The following PKD1L1 variants were observed in gnomAD, a reference collection of about 807,000 sequenced individuals.
The protein encoded by PKD1L1 is polycystin-1-like protein 1.
A neutral mutation model predicts 323.4 loss-of-function variants in PKD1L1; 236 were observed. The ratio of observed to expected loss-of-function variants is 0.73; its 90% CI spans 0.66 to 0.81. The LOEUF is 0.81. PKD1L1 is among the 40% of genes least tolerant of loss of function. The pLI, the probability that PKD1L1 is intolerant of heterozygous loss-of-function variation, is 0.00. For synonymous variants in PKD1L1, 1,344 were observed against 1,335.0 expected (o/e 1.01, Z -0.15); for missense variants, 3,320 against 3,508.0 (o/e 0.95, Z 1.35).
intron 32 of PKD1L1, among the ~76,000 whole-genome samples, chr7:47,845,320 T>C (rs1269961385): frequency 6.6e-6 from 1 of 152,222 alleles, no homozygotes; most frequent in Non-Finnish European, 1.5e-5. Context: ...GAGGCTGTCC[T>C]GAGATGCAAG....
At chr7:47,939,864 C>A (rs979425218) in intron 3 of PKD1L1, among the ~76,000 whole-genome samples, 3 of 151,278 alleles carry the variant, frequency 2.0e-5, no homozygotes, top group African/African-American at 7.3e-5. Flanking sequence ...GGGCTACCCT[C>A]CTACTTCCCA....
At chr7:47,812,930 C>T (rs1460715755) in intron 49 of PKD1L1, among the ~76,000 whole-genome samples, 191 bp downstream of exon 49, 1 of 152,258 alleles carries the variant, frequency 6.6e-6, no homozygotes, top group East Asian at 1.9e-4. Flanking sequence ...CACGTGGAGG[C>T]CTGAGCCTGT....
At chr7:47,877,876 G>C (rs1253200037) in intron 21 of PKD1L1, among the ~76,000 whole-genome samples, 4 of 151,906 alleles carry the variant, frequency 2.6e-5, no homozygotes, top group Non-Finnish European at 5.9e-5. Context: ...TGAAGTTCTG[G>C]GGTTTGAGAA....
In PKD1L1 at chr7:47,890,759, G is replaced by T; in HGVS notation, c.2458C>A (p.His820Asn). Residue 820 changes from histidine (H) to asparagine (N), a missense_variant, in exon 16 of 57, where the codon CAC becomes AAC. His to Asn is a moderately conservative substitution (Grantham distance 68, BLOSUM62 1). Coordinates refer to ENST00000289672, the MANE Select transcript of PKD1L1 (RefSeq NM_138295.5). ...GAGCCAGCGGTGGCGCATTCCCAGT[G>T]ATACCTGTTGGAGAAGTCATCGGAG... ...PDDPGATLRY[H>N]WECATAGSPA... 6.2e-7 allele frequency: 1 copy of T among 1,612,176 alleles called. No homozygotes were observed. The highest frequency in any genetic ancestry group is 8.5e-7 in the Non-Finnish European group (1 of 1,179,950).
At chr7:47,870,273 T>C (rs186545000) in intron 24 of PKD1L1, among the ~76,000 whole-genome samples, 20 of 151,540 alleles carry the variant, frequency 1.3e-4, no homozygotes, top group African/African-American at 4.3e-4. Flanking sequence ...AAATAGAGAA[T>C]AGAAAAACAA....
chr7:47,797,406 C>G (rs1784567474), intron 54 of PKD1L1, among the ~76,000 whole-genome samples: 1 of 152,190 alleles, frequency 6.6e-6, no homozygotes, highest in Non-Finnish European at 1.5e-5. Flanking sequence ...CTTGATTGGT[C>G]CCCAAATCCC....
intron 24 of PKD1L1, among the ~76,000 whole-genome samples, chr7:47,868,600 G>T (rs1786215884): frequency 6.6e-6 from 1 of 152,170 alleles, no homozygotes; most frequent in Non-Finnish European, 1.5e-5. Context: ...AACTGGCCAG[G>T]CGTGGTGGCT....
intron 56 of PKD1L1, among the ~76,000 whole-genome samples, chr7:47,791,955 T>C (rs1039968791): frequency 6.6e-6 from 1 of 152,210 alleles, no homozygotes; most frequent in Admixed American, 6.5e-5. Flanking sequence ...GATTTTTCTA[T>C]AGTTTGCAAG....
intron 16 of PKD1L1, among the ~76,000 whole-genome samples, chr7:47,889,319 G>T (rs1562975016): frequency 3.3e-5 from 5 of 152,160 alleles, no homozygotes; most frequent in Admixed American, 3.3e-4. Context: ...AGTAGCAGAG[G>T]TATATAGTAC....
intron 47 of PKD1L1, among the ~76,000 whole-genome samples, chr7:47,814,776 T>C (rs1022472211): frequency 2.6e-5 from 4 of 152,192 alleles, no homozygotes; most frequent in Admixed American, 6.5e-5. Context: ...CTTCCCAAAG[T>C]GCTGGGATTA....
intron 50 of PKD1L1, among the ~76,000 whole-genome samples, chr7:47,810,037 A>G (rs1256497277): frequency 6.6e-6 from 1 of 152,200 alleles, no homozygotes; most frequent in Non-Finnish European, 1.5e-5. Flanking sequence ...CACTTTCTTA[A>G]AGTTCTCTAT....
chr7:47,942,873 G>A (rs866348512), intron 2 of PKD1L1, among the ~76,000 whole-genome samples: 2 of 152,120 alleles, frequency 1.3e-5, no homozygotes, highest in African/African-American at 4.8e-5. Context: ...CTGGCCAGGC[G>A]CCGTGGCTCA....
At chr7:47,880,271 T>G (rs1156619608) in intron 21 of PKD1L1, among the ~76,000 whole-genome samples, 11 of 78,038 alleles carry the variant, frequency 1.4e-4, no homozygotes, top group African/African-American at 7.0e-4. Context: ...TATACATATA[T>G]ATATATATAT....
chr7:47,826,969 C>A (rs907594831), intron 45 of PKD1L1, among the ~76,000 whole-genome samples: 5 of 152,350 alleles, frequency 3.3e-5, no homozygotes, highest in Admixed American at 2.6e-4. Flanking sequence ...TGTGTCCCAG[C>A]TGGAGAAGCA....
At chr7:47,860,913 G>C (rs572319280) in intron 26 of PKD1L1, among the ~76,000 whole-genome samples, 14 of 152,248 alleles carry the variant, frequency 9.2e-5, no homozygotes, top group African/African-American at 3.1e-4. Flanking sequence ...CAGGTCCCTC[G>C]AGTCCAGGTG....
chr7:47,884,193 G>T (rs1327352545), intron 19 of PKD1L1, among the ~76,000 whole-genome samples: 2 of 151,594 alleles, frequency 1.3e-5, no homozygotes, highest in Admixed American at 6.6e-5. Flanking sequence ...AAGGCGGGGG[G>T]AGTGGTGGTC....
intron 12 of PKD1L1, 53 bp downstream of exon 12, chr7:47,904,323 ACT>A: frequency 2.5e-6 from 4 of 1,607,750 alleles, no homozygotes; most frequent in Non-Finnish European, 2.5e-6. Flanking sequence ...ATGCCTTAAG[ACT>A]CTGATTCCCG....
the PKD1L1 span, among the ~76,000 whole-genome samples, chr7:47,954,803 G>A: frequency 6.6e-6 from 1 of 152,184 alleles, no homozygotes; most frequent in Non-Finnish European, 1.5e-5. Context: ...GTCTCAAGAG[G>A]CTGAATGACT....
In PKD1L1 at chr7:47,886,001, A is replaced by C. The variant is rs983555179; in HGVS notation, c.2890T>G (p.Ser964Ala). ...AGCAGGTTTAACTGTGATGACTCTG[A>C]AATGGCACCGAGTCCCAGCGAGCCA... ...LLGSLGLGAI[S>A]ESSQLNLLPT... Residue 964 changes from serine to alanine, a missense_variant, in exon 18 of 57, where the codon TCA becomes GCA. Physicochemically the swap from Ser to Ala is moderately conservative, Grantham distance 99. Coordinates refer to ENST00000289672, the MANE Select transcript of PKD1L1 (RefSeq NM_138295.5). 18 of 1,614,096 alleles carry C rather than the reference A, an allele frequency of 1.1e-5. No homozygotes were observed. The highest frequency in any genetic ancestry group is 1.4e-5 in the Non-Finnish European group (17 of 1,180,036).
Sources: gnomAD v4.1 joint callset for allele counts (sites outside exome capture counted in the v4.1 genomes callset) on GRCh38, gnomAD v4.1.1 for gene constraint, MANE v1.5 for transcripts, NCBI Gene and HGNC (gene_info 2026-07-23, HGNC 2026-07-21) for gene names.